Variants in CNTNAP2 observed in about 807,000 individuals in gnomAD.
CNTNAP2 encodes the protein contactin-associated protein-like 2.
Under a neutral mutation model 155.2 loss-of-function variants are expected in CNTNAP2, and 98 were observed. That is an observed-to-expected ratio of 0.63 (90% CI 0.54 to 0.75). CNTNAP2 has a LOEUF of 0.75. Among genes scored for constraint, CNTNAP2 ranks in the 30% least tolerant of loss-of-function variants. The probability of loss-of-function intolerance (pLI) is 0.00; values close to 1 mark genes in which losing one functional copy is unlikely to be tolerated. For missense variants in CNTNAP2, 1,727 were observed against 1,688.1 expected, an observed-to-expected ratio of 1.02 and a Z score of -0.40; for synonymous variants, 651 against 631.2, an observed-to-expected ratio of 1.03 and a Z score of -0.47.
At chr7:148,265,782 G>A (rs1239382307) in intron 20 of CNTNAP2, among the ~76,000 whole-genome samples, 6 of 152,106 alleles carry the variant, frequency 3.9e-5, no homozygotes, top group Non-Finnish European at 7.4e-5. Context: ...ACTCTTAACC[G>A]TGACTGTGCA....
chr7:147,224,606 A>G (rs1803479125), intron 8 of CNTNAP2, among the ~76,000 whole-genome samples: 1 of 152,168 alleles, frequency 6.6e-6, no homozygotes, highest in Non-Finnish European at 1.5e-5. Context: ...TTATTAAGAA[A>G]CCTTTAGTTA....
intron 3 of CNTNAP2, among the ~76,000 whole-genome samples, chr7:146,969,803 C>T (rs1194676677): frequency 6.6e-6 from 1 of 152,272 alleles, no homozygotes; most frequent in South Asian, 2.1e-4. Flanking sequence ...TACCTGACTT[C>T]AAACTATACT....
intron 11 of CNTNAP2, among the ~76,000 whole-genome samples, chr7:147,518,980 G>A (rs1266611191): frequency 4.2e-5 from 6 of 142,654 alleles, no homozygotes; most frequent in Non-Finnish European, 7.5e-5. Flanking sequence ...GCAGTGAGCC[G>A]AGATAGCGCC....
At chr7:146,835,217 C>T (rs1263151305) in intron 2 of CNTNAP2, among the ~76,000 whole-genome samples, 1 of 152,118 alleles carries the variant, frequency 6.6e-6, no homozygotes, top group Admixed American at 6.6e-5. Flanking sequence ...ATGCAGCAAA[C>T]AATAAGTAAC....
At chr7:147,082,603 A>T (rs2129268881) in intron 4 of CNTNAP2, 1 of 152,290 alleles carries the variant, frequency 6.6e-6, no homozygotes, top group Admixed American at 6.5e-5. Flanking sequence ...CCCCTAGACA[A>T]ATGGAGGAGA....
intron 1 of CNTNAP2, among the ~76,000 whole-genome samples, chr7:146,349,355 C>G (rs1248954328): frequency 6.6e-6 from 1 of 152,148 alleles, no homozygotes; most frequent in Non-Finnish European, 1.5e-5. Context: ...AGTATTTCAC[C>G]CGGAACATAG....
intron 19 of CNTNAP2, among the ~76,000 whole-genome samples, chr7:148,224,842 C>T (rs1795818242): frequency 6.6e-6 from 1 of 152,096 alleles, no homozygotes; most frequent in African/African-American, 2.4e-5. Flanking sequence ...GGGAGAAGTG[C>T]AGAGCAAAGG....
At chr7:148,172,747 C>G (rs1404101347) in intron 18 of CNTNAP2, among the ~76,000 whole-genome samples, 2 of 152,156 alleles carry the variant, frequency 1.3e-5, no homozygotes, top group Non-Finnish European at 2.9e-5. Flanking sequence ...CAAAGGCAGT[C>G]TCATTACATC....
chr7:146,357,160 C>T (rs143688630), intron 1 of CNTNAP2, among the ~76,000 whole-genome samples: 3 of 151,342 alleles, frequency 2.0e-5, no homozygotes, highest in African/African-American at 7.3e-5. Flanking sequence ...ACATAAGAAG[C>T]CACCTTTGCT....
intron 8 of CNTNAP2, among the ~76,000 whole-genome samples, chr7:147,185,705 C>T (rs1802550361): frequency 6.6e-6 from 1 of 152,076 alleles, no homozygotes; most frequent in African/African-American, 2.4e-5. Flanking sequence ...TAAAACAAAA[C>T]ACTATGCAAT....
intron 4 of CNTNAP2, among the ~76,000 whole-genome samples, chr7:147,066,663 G>A (rs1194872348): frequency 6.6e-6 from 1 of 152,110 alleles, no homozygotes; most frequent in East Asian, 1.9e-4. Context: ...TCATAATGGG[G>A]GAGAATAGTC....
At chr7:147,830,886 A>T (rs887469667) in intron 13 of CNTNAP2, among the ~76,000 whole-genome samples, 1 of 152,192 alleles carries the variant, frequency 6.6e-6, no homozygotes, top group Non-Finnish European at 1.5e-5. Flanking sequence ...TTTCTAAGAA[A>T]CAGAAGAGAT....
chr7:148,011,867 T>G (rs897262797), intron 15 of CNTNAP2, among the ~76,000 whole-genome samples: 2 of 152,182 alleles, frequency 1.3e-5, no homozygotes, highest in African/African-American at 4.8e-5. Flanking sequence ...TAGTCAGCTG[T>G]GTTTCCTAGA....
At chr7:146,384,916 G>A (rs117408098) in intron 1 of CNTNAP2, among the ~76,000 whole-genome samples, 5 of 152,260 alleles carry the variant, frequency 3.3e-5, no homozygotes, top group South Asian at 4.1e-4. Context: ...AATTGAGGGC[G>A]GTAAATGGGA....
intron 9 of CNTNAP2, among the ~76,000 whole-genome samples, chr7:147,340,702 G>A (rs75473257): frequency 0.016 from 2,397 of 152,128 alleles, 64 homozygotes; most frequent in African/African-American, 0.054. Context: ...ACAAATAATG[G>A]TAATTATTCA....
chr7:148,098,921 T>C (rs1804032311), intron 15 of CNTNAP2, among the ~76,000 whole-genome samples: 1 of 152,146 alleles, frequency 6.6e-6, no homozygotes, highest in Admixed American at 6.5e-5. Flanking sequence ...AAGCCCAGAA[T>C]AAAAGGCTCA....
intron 10 of CNTNAP2, among the ~76,000 whole-genome samples, chr7:147,423,813 G>A (rs1797335602): frequency 6.6e-6 from 1 of 152,092 alleles, no homozygotes; most frequent in Non-Finnish European, 1.5e-5. Flanking sequence ...TAAATTCACT[G>A]TTAACAAAAG....
chr7:148,411,150 G>A (rs984726547), intron 23 of CNTNAP2, among the ~76,000 whole-genome samples: 1 of 152,092 alleles, frequency 6.6e-6, no homozygotes, highest in Non-Finnish European at 1.5e-5. Flanking sequence ...TGCGTAGATC[G>A]ATATTGACAT....
At chr7:147,920,976 AT>A in intron 14 of CNTNAP2, among the ~76,000 whole-genome samples, 1 of 151,088 alleles carries the variant, frequency 6.6e-6, no homozygotes, top group Non-Finnish European at 1.5e-5. Context: ...CGCCCAGCTA[AT>A]TTTTTGTATT....
Sources: gnomAD v4.1 joint callset for allele counts (sites outside exome capture counted in the v4.1 genomes callset) on GRCh38, gnomAD v4.1.1 for gene constraint, MANE v1.5 for transcripts, NCBI Gene and HGNC (gene_info 2026-07-23, HGNC 2026-07-21) for gene names.